The following SPATA9 variants were observed in gnomAD, a reference collection of about 807,000 sequenced individuals.
The protein encoded by SPATA9 is spermatogenesis-associated protein 9.
SPATA9 carries 27 observed loss-of-function variants against 25.5 expected under a neutral mutation model. The ratio of observed to expected loss-of-function variants is 1.06; its 90% CI spans 0.78 to 1.46. SPATA9 has a LOEUF of 1.46. SPATA9 is among the 40% of genes most tolerant of loss of function. The probability of loss-of-function intolerance (pLI) is 0.00; values close to 1 mark genes in which losing one functional copy is unlikely to be tolerated. For missense variants in SPATA9, 282 were observed against 297.5 expected, an observed-to-expected ratio of 0.95 and a Z score of 0.38; for synonymous variants, 102 against 105.7, an observed-to-expected ratio of 0.97 and a Z score of 0.21.
the SPATA9 span, among the ~76,000 whole-genome samples, chr5:95,704,736 AC>A: frequency 1.4e-4 from 21 of 152,086 alleles, no homozygotes; most frequent in Non-Finnish European, 2.4e-4. Context: ...TTTATTTCTC[AC>A]CGTTTTAGAG....
At chr5:95,714,959 A>T in the SPATA9 span, among the ~76,000 whole-genome samples, 6 of 152,350 alleles carry the variant, frequency 3.9e-5, no homozygotes, top group Non-Finnish European at 5.9e-5. Flanking sequence ...ATTAATTCAT[A>T]GACTTAATGC....
chr5:95,666,775 T>C (rs1248189637), intron 3 of SPATA9, among the ~76,000 whole-genome samples: 5 of 152,222 alleles, frequency 3.3e-5, no homozygotes, highest in Admixed American at 3.3e-4. Context: ...CAAGATGTGT[T>C]CAATCTATGA....
the SPATA9 span, chr5:95,731,972 A>G: frequency 6.2e-7 from 1 of 1,614,052 alleles, no homozygotes; most frequent in Non-Finnish European, 8.5e-7. Context: ...TCCGGGGACG[A>G]GAGCAGCTTG....
the SPATA9 span, among the ~76,000 whole-genome samples, chr5:95,725,868 G>A: frequency 6.6e-6 from 1 of 150,796 alleles, no homozygotes; most frequent in Non-Finnish European, 1.5e-5. Context: ...TACATGTAAA[G>A]AAGTTTTGCA....
At chr5:95,693,586 C>A (rs1753940194) in intron 1 of SPATA9, among the ~76,000 whole-genome samples, 1 of 152,080 alleles carries the variant, frequency 6.6e-6, no homozygotes, top group South Asian at 2.1e-4. Flanking sequence ...CTTGAAAAAC[C>A]ATTTCTTTCA....
the SPATA9 span, chr5:95,731,401 A>T: frequency 1.3e-5 from 15 of 1,181,864 alleles, no homozygotes; most frequent in Middle Eastern, 3.4e-4. Flanking sequence ...AGCTGCGTCC[A>T]CTTGGGGCTG....
At position 95,666,623 on chromosome 5, in the gene SPATA9, A is replaced by G. The variant is rs145321673; in HGVS notation, c.379-2575T>C. Among the ~76,000 whole-genome samples the G allele has an allele frequency of 2.1e-3, 325 of 152,330 alleles. 1 individual carries two copies. The highest frequency in any genetic ancestry group is 7.5e-3 in the African/African-American group (311 of 41,586). On this transcript the variant is annotated intron_variant, in intron 3 of 4. Coordinates refer to ENST00000274432, the MANE Select transcript of SPATA9 (RefSeq NM_031952.4). ...AAGGTTCAAAATAGTAAGCATAACA[A>G]GTATGATTGATTCCATTTATATAAC...
downstream of SPATA9, chr5:95,656,952 G>T (rs1750797879): frequency 6.6e-6 from 1 of 152,004 alleles, no homozygotes; most frequent in African/African-American, 2.4e-5. Flanking sequence ...AATGAGATAG[G>T]TTTACCTGCT....
the SPATA9 span, among the ~76,000 whole-genome samples, chr5:95,711,561 G>C: frequency 1.3e-5 from 2 of 152,202 alleles, no homozygotes; most frequent in East Asian, 1.9e-4. Context: ...CTCCCGCCGC[G>C]GCCGCAGTCG....
the SPATA9 span, among the ~76,000 whole-genome samples, chr5:95,723,001 G>GGTGGATAACAGAAA: frequency 6.6e-6 from 1 of 152,040 alleles, no homozygotes; most frequent in African/African-American, 2.4e-5. Flanking sequence ...GATAGAGGTG[G>GGTGGATAACAGAAA]GTGGATAACA....
At chr5:95,711,054 C>T in the SPATA9 span, among the ~76,000 whole-genome samples, 2 of 152,114 alleles carry the variant, frequency 1.3e-5, no homozygotes, top group Non-Finnish European at 2.9e-5. Context: ...TAAAAACGCT[C>T]CTGGTGACTC....
chr5:95,658,799 C>T lies in SPATA9; in HGVS notation c.589G>A (p.Val197Met). The T allele has an allele frequency of 6.2e-7, 1 of 1,613,970 alleles. No homozygotes were observed. The change falls in exon 5 of 5, where the codon GTG becomes ATG. Residue 197 changes from valine to methionine, a missense_variant. Coordinates refer to ENST00000274432, the MANE Select transcript of SPATA9 (RefSeq NM_031952.4). ...ENCRKAFSEP[V>M]LSEPMFAEGE... ...TCAGCAAACATAGGCTCCGAAAGCACAGGCTCAGAAAAGGCTTTTCTACAA... is the reference window on the plus strand; with the variant it reads ...TCAGCAAACATAGGCTCCGAAAGCATAGGCTCAGAAAAGGCTTTTCTACAA...
At chr5:95,662,993 A>C (rs146029011) in intron 4 of SPATA9, among the ~76,000 whole-genome samples, 10 of 152,340 alleles carry the variant, frequency 6.6e-5, no homozygotes, top group African/African-American at 2.4e-4. Context: ...CCATTTTAGA[A>C]AACTCTTTGG....
chr5:95,677,095 A>C (rs1308214079), intron 2 of SPATA9, among the ~76,000 whole-genome samples: 1 of 152,106 alleles, frequency 6.6e-6, no homozygotes, highest in Admixed American at 6.5e-5. Context: ...TGGTCACTCT[A>C]CCAAAATCAT....
the SPATA9 span, among the ~76,000 whole-genome samples, chr5:95,722,720 T>C: frequency 6.6e-6 from 1 of 152,154 alleles, no homozygotes; most frequent in South Asian, 2.1e-4. Context: ...GAACTCCTGT[T>C]GATCCTCCCA....
At chr5:95,669,402 T>C (rs1015936697) in intron 3 of SPATA9, among the ~76,000 whole-genome samples, 1 of 152,162 alleles carries the variant, frequency 6.6e-6, no homozygotes, top group Non-Finnish European at 1.5e-5. Flanking sequence ...AATTGGAGTC[T>C]AACTTAGAGG....
chr5:95,678,204 C>T (rs1173646018), intron 2 of SPATA9, among the ~76,000 whole-genome samples: 1 of 152,092 alleles, frequency 6.6e-6, no homozygotes, highest in Non-Finnish European at 1.5e-5. Context: ...TGGTGAAACC[C>T]CATCTCTACT....
chr5:95,658,403 T>C lies in SPATA9; in HGVS notation c.*220A>G. On this transcript the variant is annotated 3_prime_UTR_variant, in exon 5 of 5. Coordinates refer to ENST00000274432, the MANE Select transcript of SPATA9 (RefSeq NM_031952.4). Reference sequence around the variant, plus strand: ...CCTACCAGAGGATGGATTTTCTTGTTCATTAAAAGTATGTAGTCAGTACAT... The same window carrying C: ...CCTACCAGAGGATGGATTTTCTTGTCCATTAAAAGTATGTAGTCAGTACAT... 2 of 388,266 alleles carry C rather than the reference T, an allele frequency of 5.2e-6. No individual in the cohort carries two copies. 24.1% of individuals were successfully genotyped at this position (388,266 alleles called of 1,614,324 possible). A position where few individuals can be genotyped will look rare whatever the true frequency, so the allele number is the denominator to read the frequency against.
chr5:95,656,075 C>T (rs758546031), downstream of SPATA9: 7 of 1,613,362 alleles, frequency 4.3e-6, no homozygotes, highest in Admixed American at 5.0e-5. Context: ...GTATAGTTTG[C>T]CCCTGGCATA....
Sources: allele counts gnomAD v4.1 joint callset (sites outside exome capture counted in the v4.1 genomes callset), GRCh38; gene constraint gnomAD v4.1.1; transcripts MANE v1.5; gene names NCBI Gene and HGNC (gene_info 2026-07-23, HGNC 2026-07-21).